The following AOX1 variants were observed in gnomAD, a reference collection of about 807,000 sequenced individuals.
The protein encoded by AOX1 is aldehyde oxidase 1, also known as aldehyde oxidase.
Under a neutral mutation model 169.5 loss-of-function variants are expected in AOX1, and 153 were observed. The observed-to-expected ratio is 0.90, with a 90% CI of 0.79 to 1.03. The LOEUF (loss-of-function observed/expected upper bound fraction) is 1.03, where lower values mean the gene tolerates loss of function less well. Among genes scored for constraint, AOX1 ranks in the 50% least tolerant of loss-of-function variants. AOX1 has a pLI of 0.00. For missense variants in AOX1, 1,656 were observed against 1,663.9 expected (o/e 1.00, Z 0.08); for synonymous variants, 562 against 581.9 (o/e 0.97, Z 0.49).
At chr2:200,605,673 A>C in intron 10 of AOX1, 45 bp downstream of exon 10, 4 of 950,788 alleles carry the variant, frequency 4.2e-6, no homozygotes, top group Non-Finnish European at 3.1e-6. Flanking sequence ...TGCATTAATC[A>C]ATTTATTTAC....
chr2:200,644,351 G>T (rs2035410528), intron 25 of AOX1, among the ~76,000 whole-genome samples: 1 of 152,072 alleles, frequency 6.6e-6, no homozygotes, highest in Non-Finnish European at 1.5e-5. Context: ...TGTTCGCTTT[G>T]TCAAAGATCA....
At chr2:200,617,154 T>C (rs556393982) in intron 16 of AOX1, among the ~76,000 whole-genome samples, 1 of 152,200 alleles carries the variant, frequency 6.6e-6, no homozygotes, top group Non-Finnish European at 1.5e-5. Flanking sequence ...TAGTGCATGA[T>C]CTTGAATGAG....
rs137939746 is a variant in AOX1, at chr2:200,598,099, C to T, written c.309+594C>T. Among the ~76,000 whole-genome samples the T allele has an allele frequency of 1.9e-3, 288 of 149,850 alleles. 1 individual carries two copies. Among genetic ancestry groups the T allele is most frequent in the African/African-American group, 6.8e-3 (277 of 40,658 alleles). ...TTCAGCCTGGGTGACTGAGTGAGACCCTGTTGTAAGAAAGAGAAGGAGAAA... is the reference window on the plus strand; with the variant it reads ...TTCAGCCTGGGTGACTGAGTGAGACTCTGTTGTAAGAAAGAGAAGGAGAAA... On this transcript the variant is annotated intron_variant, in intron 4 of 34. Transcript: ENST00000374700.
chr2:200,661,523 G>A (rs1242468034), intron 29 of AOX1, 56 bp from the exon 30 acceptor site: 4 of 1,372,810 alleles, frequency 2.9e-6, no homozygotes, highest in Non-Finnish European at 4.1e-6. Context: ...TTGAAGTCTT[G>A]AGTGATTCTT....
intron 18 of AOX1, among the ~76,000 whole-genome samples, chr2:200,622,593 G>C (rs1205202387): frequency 6.6e-6 from 1 of 152,196 alleles, no homozygotes. Flanking sequence ...CACTGGCAGA[G>C]ACGGTGAGAA....
intron 1 of AOX1, among the ~76,000 whole-genome samples, chr2:200,588,735 T>TTTTTTTTTTTTTTTTTTTTTTTTG (rs2034099487): frequency 7.3e-6 from 1 of 136,404 alleles, no homozygotes; most frequent in Non-Finnish European, 1.6e-5. Flanking sequence ...GCTTTTTTTT[T>TTTTTTTTTTTTTTTTTTTTTTTTG]TTTTTTTTTT....
chr2:200,647,090 C>T (rs2035469044), intron 25 of AOX1, among the ~76,000 whole-genome samples: 1 of 152,022 alleles, frequency 6.6e-6, no homozygotes, highest in Admixed American at 6.6e-5. Flanking sequence ...ATGTGAGGTA[C>T]CATTGCATTT....
At chr2:200,668,148 C>T (rs1006181694) in intron 32 of AOX1, among the ~76,000 whole-genome samples, 10 of 150,920 alleles carry the variant, frequency 6.6e-5, no homozygotes, top group African/African-American at 1.2e-4. Context: ...TCTTGTTGCC[C>T]GGGCTGGAGT....
chr2:200,620,694 CAT>C lies in AOX1; in HGVS notation c.1750_1751del (p.Ile584HisfsTer17), dbSNP rs2034867048. On this transcript the variant is annotated frameshift_variant, in exon 17 of 35. Coordinates refer to ENST00000374700, the MANE Select transcript of AOX1 (RefSeq NM_001159.4). LOFTEE classifies it high-confidence loss of function. ...QHPEDPIGHP[I>X]MHLSGVKHAT... is the part of the protein sequence containing the mutation. ...ATCCTGAAGACCCAATTGGCCACCC[CAT>C]CATGCATCTGTCTGGTGTGAAGCAT... The C allele has an allele frequency of 6.3e-7, 1 of 1,580,004 alleles. No homozygotes were observed. The highest frequency in any genetic ancestry group is 1.9e-5 in the Admixed American group (1 of 51,960).
rs2034206683 is a variant in AOX1, at chr2:200,593,001, ACAGC to A, written c.46-144_46-141del. ...ACATAAGAGTGGTGGTTTGCATATC[ACAGC>A]TGTTCCATAAAGCTGAAATCTACTT... On this transcript the variant is annotated intron_variant, in intron 1 of 34. Transcript: ENST00000374700. 9.2e-6 allele frequency: 6 copies of A among 648,814 alleles called. No homozygotes were observed. In the South Asian group the frequency reaches 1.1e-4, roughly 12 times the overall value. The allele number at this position is 648,814 out of a possible 1,614,324, so 40.2% of individuals were successfully genotyped here. A position where few individuals can be genotyped will look rare whatever the true frequency, so the allele number is the denominator to read the frequency against.
At chr2:200,617,030 C>G (rs900476964) in intron 16 of AOX1, among the ~76,000 whole-genome samples, 2 of 152,214 alleles carry the variant, frequency 1.3e-5, no homozygotes, top group Admixed American at 6.5e-5. Flanking sequence ...ATAGTTGAAC[C>G]CTTTGGCTTA....
intron 5 of AOX1, 70 bp downstream of exon 5, chr2:200,599,816 A>T: frequency 8.1e-7 from 1 of 1,230,456 alleles, no homozygotes; most frequent in Non-Finnish European, 1.0e-6. Context: ...ACGGAATCTC[A>T]CTCTGTTGCC....
intron 15 of AOX1, among the ~76,000 whole-genome samples, chr2:200,615,737 T>G (rs2034741770): frequency 2.0e-5 from 3 of 152,238 alleles, no homozygotes; most frequent in African/African-American, 7.2e-5. Flanking sequence ...GCCAGTTACC[T>G]ACCGTATTCA....
At chr2:200,600,815 T>G (rs2105694192) in intron 5 of AOX1, among the ~76,000 whole-genome samples, 1 of 152,268 alleles carries the variant, frequency 6.6e-6, no homozygotes, top group Non-Finnish European at 1.5e-5. Flanking sequence ...TTCAGGGTAC[T>G]TAGGTCATAC....
intron 1 of AOX1, among the ~76,000 whole-genome samples, chr2:200,588,726 C>CTTTGTTTTTTTTTTTTTTTTTTTT (rs2034096184): frequency 3.7e-5 from 2 of 53,986 alleles, no homozygotes; most frequent in Non-Finnish European, 7.8e-5. Flanking sequence ...CTAGAATAAG[C>CTTTGTTTTTTTTTTTTTTTTTTTT]TTTTTTTTTT....
In AOX1 at chr2:200,591,495, G is replaced by A. The variant is rs555535316; in HGVS notation, c.46-1651G>A. On this transcript the variant is annotated intron_variant, in intron 1 of 34. Coordinates refer to ENST00000374700, the MANE Select transcript of AOX1 (RefSeq NM_001159.4). ...AATGCAGTGAAGGTGAAAGTCCAAC[G>A]CACCCCCTGGACTGTCCAGTTCATC... Among the ~76,000 whole-genome samples, 8 of 152,316 alleles carry A rather than the reference G, an allele frequency of 5.3e-5. No individual in the cohort carries two copies. In the East Asian group the frequency reaches 5.8e-4, roughly 11 times the overall value.
chr2:200,614,916 A>T (rs2034720041), intron 15 of AOX1, among the ~76,000 whole-genome samples: 1 of 152,178 alleles, frequency 6.6e-6, no homozygotes, highest in Admixed American at 6.5e-5. Flanking sequence ...AACTAATATA[A>T]TTTCTGGGTG....
chr2:200,597,495 A>C lies in AOX1; in HGVS notation c.299A>C (p.His100Pro). 1.2e-6 allele frequency: 2 copies of C among 1,609,336 alleles called. No homozygotes were observed. The highest frequency in any genetic ancestry group is 8.5e-7 in the Non-Finnish European group (1 of 1,176,736). ...EGIGSTHTRI[H>P]PVQERIAKCH... ...ATAGGAAGCACCCACACCAGAATTC[A>C]TCCTGTTCAGGTGAGGATGTGCCTC... Residue 100 changes from histidine (H) to proline (P), a missense_variant, in exon 4 of 35, where the codon CAT becomes CCT. Coordinates refer to ENST00000374700, the MANE Select transcript of AOX1 (RefSeq NM_001159.4).
chr2:200,651,396 C>G (rs931905876), intron 26 of AOX1, among the ~76,000 whole-genome samples, 195 bp downstream of exon 26: 1 of 152,248 alleles, frequency 6.6e-6, no homozygotes, highest in African/African-American at 2.4e-5. Context: ...CCTCTGCTCA[C>G]ATGCCCATGG....
Sources: gnomAD v4.1 joint callset for allele counts (sites outside exome capture counted in the v4.1 genomes callset) on GRCh38, gnomAD v4.1.1 for gene constraint, MANE v1.5 for transcripts, NCBI Gene and HGNC (gene_info 2026-07-23, HGNC 2026-07-21) for gene names.